The following STK32A variants were observed in gnomAD, a reference collection of about 807,000 sequenced individuals.
STK32A encodes the protein serine/threonine kinase 32A.
STK32A carries 41 observed loss-of-function variants against 53.2 expected under a neutral mutation model. That is an observed-to-expected ratio of 0.77 (90% CI 0.60 to 1.00). STK32A has a LOEUF of 1.00. STK32A is among the 50% of genes least tolerant of loss of function. STK32A has a pLI of 0.00. For synonymous variants in STK32A, 166 were observed against 162.8 expected, an observed-to-expected ratio of 1.02 and a Z score of -0.15; for missense variants, 458 against 485.8, an observed-to-expected ratio of 0.94 and a Z score of 0.54.
intron 4 of STK32A, among the ~76,000 whole-genome samples, chr5:147,313,114 A>G (rs1753786747): frequency 6.6e-6 from 1 of 151,142 alleles, no homozygotes; most frequent in Non-Finnish European, 1.5e-5. Context: ...ACATGCCTGT[A>G]GTCTCAGCTA....
chr5:147,333,923 A>G (rs1754993348), intron 5 of STK32A, among the ~76,000 whole-genome samples: 1 of 152,196 alleles, frequency 6.6e-6, no homozygotes, highest in Non-Finnish European at 1.5e-5. Context: ...GACTTTAGGC[A>G]AATTAATAAA....
chr5:147,348,461 G>A lies in STK32A; in HGVS notation c.473-2604G>A, dbSNP rs558266853. 9.8e-5 allele frequency among the ~76,000 whole-genome samples: 15 copies of A among 152,292 alleles called. No homozygotes were observed. The South Asian group carries it at 1.7e-3, about 17-fold the overall frequency. ...TGTTATAATAGAGTTGAGGGGGGAC[G>A]GGGCGTAAGAATCTGCATATCTAAC... On this transcript the variant is annotated intron_variant, in intron 6 of 12. Transcript: ENST00000397936.
intron 2 of STK32A, among the ~76,000 whole-genome samples, chr5:147,261,610 G>A (rs1490057090): frequency 6.6e-6 from 1 of 151,998 alleles, no homozygotes; most frequent in Non-Finnish European, 1.5e-5. Flanking sequence ...AAAGTAGAAG[G>A]CAAAGAATTG....
At chr5:147,395,861 G>A in the STK32A span, 1 of 1,059,396 alleles carries the variant, frequency 9.4e-7, no homozygotes, top group Non-Finnish European at 1.3e-6. Context: ...GAGGAAGGGA[G>A]AAGTAGTATA....
chr5:147,390,547 A>G (rs1757771764), downstream of STK32A, among the ~76,000 whole-genome samples: 1 of 151,900 alleles, frequency 6.6e-6, no homozygotes, highest in African/African-American at 2.4e-5. Context: ...GATTTATCCC[A>G]AATGGCATAT....
At chr5:147,374,659 G>A (rs1424800645) in intron 10 of STK32A, among the ~76,000 whole-genome samples, 4 of 152,152 alleles carry the variant, frequency 2.6e-5, no homozygotes, top group African/African-American at 7.2e-5. Flanking sequence ...TCTGACTTTA[G>A]TGTGAATCGG....
At chr5:147,365,719 G>A in intron 8 of STK32A, among the ~76,000 whole-genome samples, 1 of 152,042 alleles carries the variant, frequency 6.6e-6, no homozygotes, top group Non-Finnish European at 1.5e-5. Context: ...CAGAGCAATT[G>A]TGCTCTGCCC....
intron 4 of STK32A, among the ~76,000 whole-genome samples, chr5:147,318,519 C>T (rs1197420822): frequency 6.6e-6 from 1 of 151,452 alleles, no homozygotes; most frequent in African/African-American, 2.4e-5. Flanking sequence ...AATTTCAACA[C>T]TTTGAGAGGC....
chr5:147,304,637 G>C (rs1753314549), intron 4 of STK32A, among the ~76,000 whole-genome samples: 1 of 152,176 alleles, frequency 6.6e-6, no homozygotes, highest in East Asian at 1.9e-4. Flanking sequence ...TTCTGGTAGA[G>C]GAGGAAGATT....
chr5:147,397,804 C>G, the STK32A span: 10 of 1,613,834 alleles, frequency 6.2e-6, no homozygotes, highest in Non-Finnish European at 8.5e-6. Flanking sequence ...CCAGAGGAGC[C>G]CCGCGCAGCT....
chr5:147,327,262 A>C (rs573477737), intron 5 of STK32A, among the ~76,000 whole-genome samples: 10 of 152,324 alleles, frequency 6.6e-5, no homozygotes, highest in South Asian at 6.2e-4. Context: ...GAATACTGTA[A>C]TTCTTTTTTA....
chr5:147,309,497 A>G (rs1753584164), intron 4 of STK32A, among the ~76,000 whole-genome samples: 1 of 152,156 alleles, frequency 6.6e-6, no homozygotes, highest in African/African-American at 2.4e-5. Context: ...CACTTAATAG[A>G]TCACCAGTTC....
In STK32A at chr5:147,309,607, G is replaced by A. The variant is rs530029315; in HGVS notation, c.261-14291G>A. Among the ~76,000 whole-genome samples, 11 of 152,270 alleles carry A rather than the reference G, an allele frequency of 7.2e-5. No individual in the cohort carries two copies. The East Asian group carries it at 1.9e-3, about 27-fold the overall frequency. On this transcript the variant is annotated intron_variant, in intron 4 of 12. Coordinates refer to ENST00000397936, the MANE Select transcript of STK32A (RefSeq NM_001112724.2). The stretch of plus-strand genomic sequence containing the variant: ...GACTAAGTTTGATGAATTGAAAAGC[G>A]TAGTTGTAGAAAGGAAACTCAAGAA...
chr5:147,264,110 T>TA (rs111676076), intron 2 of STK32A, among the ~76,000 whole-genome samples: 19,854 of 152,102 alleles, frequency 0.13, 1,568 homozygotes, highest in East Asian at 0.35. Context: ...GTGAATACAA[T>TA]AAAAATATTT....
intron 4 of STK32A, among the ~76,000 whole-genome samples, chr5:147,313,103 T>TA (rs35776346): frequency 0.23 from 33,548 of 148,720 alleles, 3,957 homozygotes; most frequent in Middle Eastern, 0.25. Context: ...GTCATGGTGG[T>TA]ACATGCCTGT....
intron 4 of STK32A, among the ~76,000 whole-genome samples, chr5:147,321,759 C>T (rs964475440): frequency 1.3e-5 from 2 of 152,208 alleles, no homozygotes; most frequent in African/African-American, 2.4e-5. Context: ...CTACACCTGG[C>T]AGCCTAACAT....
chr5:147,377,527 G>A (rs1757280970), intron 11 of STK32A, among the ~76,000 whole-genome samples: 1 of 152,046 alleles, frequency 6.6e-6, no homozygotes, highest in Non-Finnish European at 1.5e-5. Context: ...ATTTAAATAT[G>A]ATAATGTGGT....
Position 147,323,962 on chromosome 5 carries a change from C to A in STK32A, c.325C>A (p.Arg109Ser). The change falls in exon 5 of 13, where the codon CGT becomes AGT. Residue 109 changes from arginine to serine, a missense_variant. Coordinates refer to ENST00000397936, the MANE Select transcript of STK32A (RefSeq NM_001112724.2). Reference protein sequence around the residue: ...VVDLLLGGDLRYHLQQNVHFK... With the variant: ...VVDLLLGGDLSYHLQQNVHFK... ...GGACCTCCTGCTGGGTGGAGACCTG[C>A]GTTATCACCTGCAACAGAACGTCCA... is the stretch of plus-strand genomic sequence containing the variant. 6.2e-7 allele frequency: 1 copy of A among 1,613,372 alleles called. No homozygotes were observed. Among genetic ancestry groups the A allele is most frequent in the African/African-American group, 1.3e-5 (1 of 75,022 alleles).
At chr5:147,298,294 C>T (rs1257307874) in intron 4 of STK32A, among the ~76,000 whole-genome samples, 1 of 152,178 alleles carries the variant, frequency 6.6e-6, no homozygotes, top group African/African-American at 2.4e-5. Context: ...CTTTTGTTCA[C>T]CTCTTGAATG....
Sources: allele counts gnomAD v4.1 joint callset (sites outside exome capture counted in the v4.1 genomes callset), GRCh38; gene constraint gnomAD v4.1.1; transcripts MANE v1.5; gene names NCBI Gene and HGNC (gene_info 2026-07-23, HGNC 2026-07-21).